Variants in ANKRD11 observed in about 807,000 individuals in gnomAD.
ANKRD11 encodes the protein ankyrin repeat domain 11.
Under a neutral mutation model 195.7 loss-of-function variants are expected in ANKRD11, and 17 were observed. The ratio of observed to expected loss-of-function variants is 0.09; its 90% CI spans 0.06 to 0.13. The LOEUF is 0.13. Among genes scored for constraint, ANKRD11 ranks in the 10% least tolerant of loss-of-function variants. The pLI is 1.00. For missense variants in ANKRD11, 3,735 were observed against 3,566.1 expected (o/e 1.05, Z -1.21); for synonymous variants, 1,953 against 1,528.1 (o/e 1.28, Z -6.49).
intron 2 of ANKRD11, among the ~76,000 whole-genome samples, chr16:89,369,543 T>C (rs1391794663): frequency 6.6e-6 from 1 of 152,188 alleles, no homozygotes; most frequent in Non-Finnish European, 1.5e-5. Flanking sequence ...ACGTCTGGAA[T>C]AGGCAGATAA....
At chr16:89,274,726 G>C (rs1298192981) in intron 11 of ANKRD11, 88 bp downstream of exon 11, 2 of 1,582,600 alleles carry the variant, frequency 1.3e-6, no homozygotes, top group Non-Finnish European at 1.7e-6. Context: ...GAAGCTCCTG[G>C]TCAAAGTGCA....
chr16:89,388,491 G>T (rs2041027316), intron 2 of ANKRD11, among the ~76,000 whole-genome samples: 2 of 151,910 alleles, frequency 1.3e-5, no homozygotes, highest in African/African-American at 4.8e-5. Context: ...AGCAAGATTT[G>T]CGTTTCCCTG....
intron 1 of ANKRD11, among the ~76,000 whole-genome samples, chr16:89,422,754 T>A (rs1431610710): frequency 6.6e-6 from 1 of 152,222 alleles, no homozygotes; most frequent in African/African-American, 2.4e-5. Flanking sequence ...GAACGGAAGT[T>A]CAAGATTGCT....
chr16:89,276,504 C>G (rs535286613), intron 9 of ANKRD11, among the ~76,000 whole-genome samples: 182 of 152,330 alleles, frequency 1.2e-3, no homozygotes, highest in African/African-American at 4.3e-3. Flanking sequence ...GGCCCCGCCT[C>G]ACGCCTATAG....
At position 89,285,165 on chromosome 16, in the gene ANKRD11, C is replaced by A; in HGVS notation, c.1377G>T (p.Lys459Asn). 3 of 1,613,466 alleles carry A rather than the reference C, an allele frequency of 1.9e-6. No homozygotes were observed. The highest frequency in any genetic ancestry group is 2.2e-5 in the East Asian group (1 of 44,874). ...GAACCTCTCTGCCTTTTGTTTCTTTCTTTCGCTTCTTTTTCACTTTATTTT... is the reference window on the plus strand; with the variant it reads ...GAACCTCTCTGCCTTTTGTTTCTTTATTTCGCTTCTTTTTCACTTTATTTT... ...KEKNKVKKKR[K>N]KETKGREVRF... Residue 459 changes from lysine (K) to asparagine (N), a missense_variant, in exon 9 of 13, where the codon AAG becomes AAT. Transcript: ENST00000301030. The surrounding 1 kb of genome is among the most constrained non-coding windows in gnomAD (Gnocchi z 5.6).
chr16:89,350,894 G>C (rs556690902), intron 2 of ANKRD11, among the ~76,000 whole-genome samples: 3 of 152,290 alleles, frequency 2.0e-5, no homozygotes, highest in African/African-American at 7.2e-5. Flanking sequence ...CTACCACTGT[G>C]TTACGATTTC....
chr16:89,274,307 C>T (rs1043631416), intron 11 of ANKRD11, among the ~76,000 whole-genome samples: 2 of 152,192 alleles, frequency 1.3e-5, no homozygotes, highest in Non-Finnish European at 2.9e-5. Context: ...ACCCTGAGTC[C>T]GGCCCGCCCT....
chr16:89,321,988 C>T (rs750290631), intron 2 of ANKRD11, among the ~76,000 whole-genome samples: 37 of 152,302 alleles, frequency 2.4e-4, no homozygotes, highest in Admixed American at 6.5e-5. Context: ...AGTATTTTCA[C>T]GTCTCTAGTT....
chr16:89,425,627 G>T lies in ANKRD11; in HGVS notation c.-144-7259C>A, dbSNP rs530073964. 5.3e-5 allele frequency among the ~76,000 whole-genome samples: 8 copies of T among 152,266 alleles called. No homozygotes were observed. The East Asian group carries it at 1.5e-3, about 29-fold the overall frequency. ...TCCTTCGTTTTTTCAGGTTGGGGGCGGACAAGGTGGGCCGGTTATTTCGAT... is the reference window on the plus strand; with the variant it reads ...TCCTTCGTTTTTTCAGGTTGGGGGCTGACAAGGTGGGCCGGTTATTTCGAT... On this transcript the variant is annotated intron_variant, in intron 1 of 12. Transcript: ENST00000301030.
intron 2 of ANKRD11, among the ~76,000 whole-genome samples, chr16:89,354,243 C>CAAAA (rs5818711): frequency 5.9e-4 from 75 of 126,236 alleles, no homozygotes; most frequent in Non-Finnish European, 1.1e-3. Context: ...TGCATTCAGC[C>CAAAA]AAAAAAAAAA....
At position 89,280,296 on chromosome 16, in the gene ANKRD11, C is replaced by T; in HGVS notation, c.6246G>A (p.Glu2082=). ...LPEAPLDVAP[E]PACVAAVAQV... ...GAGCCACAGCGGCTACACAGGCGGG[C>T]TCGGGGGCCACGTCCAGCGGGGCTT... The change falls in exon 9 of 13, where the codon GAG becomes GAA. Residue 2082 remains glutamate, a synonymous_variant. Transcript: ENST00000301030. 6.3e-7 allele frequency: 1 copy of T among 1,598,406 alleles called. No homozygotes were observed. The highest frequency in any genetic ancestry group is 1.1e-5 in the South Asian group (1 of 90,318).
chr16:89,379,095 C>A (rs769262184), intron 2 of ANKRD11, among the ~76,000 whole-genome samples: 7 of 152,200 alleles, frequency 4.6e-5, no homozygotes, highest in Non-Finnish European at 8.8e-5. Context: ...GTCGGCAGTG[C>A]GGACCAGCCC....
intron 2 of ANKRD11, among the ~76,000 whole-genome samples, chr16:89,404,041 T>C (rs2041811003): frequency 6.6e-6 from 1 of 152,192 alleles, no homozygotes; most frequent in Non-Finnish European, 1.5e-5. Flanking sequence ...AACTTATAAC[T>C]AAAATTCCAA....
intron 2 of ANKRD11, among the ~76,000 whole-genome samples, chr16:89,325,909 T>C (rs111669346): frequency 2.6e-5 from 4 of 152,242 alleles, no homozygotes; most frequent in African/African-American, 7.2e-5. Flanking sequence ...CTCAAGGGCA[T>C]GAGCATGACG....
At chr16:89,324,213 C>G (rs2037549629) in intron 2 of ANKRD11, 1 of 1,193,898 alleles carries the variant, frequency 8.4e-7, no homozygotes, top group Non-Finnish European at 1.1e-6. Context: ...TTCAGCATTA[C>G]TGGCCTCTGC....
intron 7 of ANKRD11, 100 bp from the exon 8 acceptor site, chr16:89,286,286 G>C: frequency 6.6e-7 from 1 of 1,524,576 alleles, no homozygotes; most frequent in Non-Finnish European, 9.0e-7. Flanking sequence ...CCTGGGGTTC[G>C]ACCCGAGAGC....
intron 1 of ANKRD11, among the ~76,000 whole-genome samples, chr16:89,437,859 T>C (rs1362816043): frequency 2.0e-5 from 3 of 152,162 alleles, no homozygotes; most frequent in Non-Finnish European, 4.4e-5. Context: ...CAATCTCCTA[T>C]GGGTCAGTGC....
Position 89,282,613 on chromosome 16 carries a change from T to A in ANKRD11, c.3929A>T (p.Asp1310Val). ...ISEVSSDSFT[D>V]RGQEPGLTAF... ...AGTCAGCCCCGGCTCCTGCCCTCGG[T>A]CCGTGAAGCTGTCAGAGGAGACCTC... The change falls in exon 9 of 13, where the codon GAC becomes GTC. Residue 1310 changes from aspartate (D) to valine (V), a missense_variant. Transcript: ENST00000301030. 6.2e-7 allele frequency: 1 copy of A among 1,614,190 alleles called. No homozygotes were observed. The highest frequency in any genetic ancestry group is 8.5e-7 in the Non-Finnish European group (1 of 1,180,036).
chr16:89,472,383 G>A lies in ANKRD11; in HGVS notation c.-145+17862C>T, dbSNP rs1205873626. 5.3e-5 allele frequency among the ~76,000 whole-genome samples: 8 copies of A among 152,096 alleles called. No homozygotes were observed. The East Asian group carries it at 1.5e-3, about 29-fold the overall frequency. Reference sequence around the variant, plus strand: ...TCTGCACATTTACTAAGGGGAAGGGGAAGGGAGAAAAAAAACCGTCTCAGA... The same window carrying A: ...TCTGCACATTTACTAAGGGGAAGGGAAAGGGAGAAAAAAAACCGTCTCAGA... On this transcript the variant is annotated intron_variant, in intron 1 of 12. Coordinates refer to ENST00000301030, the MANE Select transcript of ANKRD11 (RefSeq NM_013275.6).
Sources: allele counts gnomAD v4.1 joint callset (sites outside exome capture counted in the v4.1 genomes callset), GRCh38; gene constraint gnomAD v4.1.1; non-coding constraint Gnocchi (gnomAD v3.1); transcripts MANE v1.5; gene names NCBI Gene and HGNC (gene_info 2026-07-23, HGNC 2026-07-21).